PDCD1LG2: variants seen among roughly 807,000 people sequenced by gnomAD.
The protein encoded by PDCD1LG2 is programmed cell death 1 ligand 2.
In PDCD1LG2, 32 loss-of-function variants were observed where a neutral mutation model predicts 28.2. That is an observed-to-expected ratio of 1.13 (90% CI 0.86 to 1.52). The LOEUF (loss-of-function observed/expected upper bound fraction) is 1.52. Among genes scored for constraint, PDCD1LG2 ranks in the 40% most tolerant of loss-of-function variants. The probability of loss-of-function intolerance (pLI) is 0.00; values close to 1 mark genes in which losing one functional copy is unlikely to be tolerated. For synonymous variants in PDCD1LG2, 116 were observed against 120.2 expected (o/e 0.97, Z 0.23); for missense variants, 385 against 323.8 (o/e 1.19, Z -1.45).
At chr9:5,528,966 T>C (rs542894081) in intron 2 of PDCD1LG2, among the ~76,000 whole-genome samples, 6 of 152,140 alleles carry the variant, frequency 3.9e-5, no homozygotes, top group Non-Finnish European at 7.4e-5. Context: ...TGACCTCAAG[T>C]GGCCCACCCA....
rs1229598079 is a variant in PDCD1LG2, at chr9:5,559,027, C to T, written c.766+1275C>T. Among the ~76,000 whole-genome samples the T allele has an allele frequency of 2.0e-5, 3 of 152,328 alleles. No individual in the cohort carries two copies. The East Asian group carries it at 5.8e-4, about 29-fold the overall frequency. On this transcript the variant is annotated intron_variant, in intron 5 of 6. Coordinates refer to ENST00000397747, the MANE Select transcript of PDCD1LG2 (RefSeq NM_025239.4). ...TCTTCTTTTACCTCTCACACCCATA[C>T]CTCAGGGTTCAAGGCCTGGGGCCTG...
intron 2 of PDCD1LG2, among the ~76,000 whole-genome samples, chr9:5,524,202 A>T (rs1820328839): frequency 6.6e-6 from 1 of 152,228 alleles, no homozygotes; most frequent in African/African-American, 2.4e-5. Flanking sequence ...AAGATTACAT[A>T]GTTATTAGGT....
chr9:5,516,842 G>A (rs1820175246), intron 1 of PDCD1LG2, among the ~76,000 whole-genome samples: 1 of 152,198 alleles, frequency 6.6e-6, no homozygotes, highest in Non-Finnish European at 1.5e-5. Flanking sequence ...CAGGGAGTGG[G>A]AGCAGGCACT....
intron 3 of PDCD1LG2, among the ~76,000 whole-genome samples, chr9:5,543,994 T>C (rs1246142982): frequency 6.6e-6 from 1 of 152,208 alleles, no homozygotes; most frequent in Non-Finnish European, 1.5e-5. Context: ...GAAACTTGCA[T>C]AGATCCTCTA....
At chr9:5,535,987 T>C (rs1278267907) in intron 3 of PDCD1LG2, among the ~76,000 whole-genome samples, 34 of 152,230 alleles carry the variant, frequency 2.2e-4, no homozygotes, top group Admixed American at 2.2e-3. Context: ...AATATTTCTC[T>C]GGCCTCTTCC....
intron 3 of PDCD1LG2, among the ~76,000 whole-genome samples, chr9:5,544,721 C>A (rs1820758444): frequency 7.0e-6 from 1 of 143,806 alleles, no homozygotes; most frequent in African/African-American, 2.7e-5. Context: ...GAGTCAGGGA[C>A]AACGAAGGCT....
At chr9:5,541,052 G>T (rs1820678122) in intron 3 of PDCD1LG2, among the ~76,000 whole-genome samples, 1 of 152,122 alleles carries the variant, frequency 6.6e-6, no homozygotes, top group Admixed American at 6.5e-5. Context: ...TGCAGGGATG[G>T]TTTAACATCC....
At chr9:5,532,012 C>T (rs1271191208) in intron 2 of PDCD1LG2, among the ~76,000 whole-genome samples, 2 of 152,154 alleles carry the variant, frequency 1.3e-5, no homozygotes, top group Non-Finnish European at 2.9e-5. Flanking sequence ...TATTTAAGGA[C>T]GGCTTCCATC....
chr9:5,536,260 T>C (rs981254101), intron 3 of PDCD1LG2, among the ~76,000 whole-genome samples: 11 of 152,166 alleles, frequency 7.2e-5, no homozygotes, highest in African/African-American at 2.7e-4. Flanking sequence ...AGGATTGTTG[T>C]CAACATTGAG....
chr9:5,523,179 G>C (rs183513726), intron 2 of PDCD1LG2, among the ~76,000 whole-genome samples: 1 of 152,324 alleles, frequency 6.6e-6, no homozygotes, highest in East Asian at 1.9e-4. Flanking sequence ...TTGAAGAAAG[G>C]ACTTCTATTG....
At chr9:5,566,717 C>A (rs1816673774) in intron 6 of PDCD1LG2, among the ~76,000 whole-genome samples, 1 of 152,064 alleles carries the variant, frequency 6.6e-6, no homozygotes, top group African/African-American at 2.4e-5. Context: ...ACCTAGTTTA[C>A]TCTAATACAA....
chr9:5,535,094 A>G, intron 3 of PDCD1LG2, 44 bp downstream of exon 3: 1 of 1,502,908 alleles, frequency 6.7e-7, no homozygotes, highest in Non-Finnish European at 8.9e-7. Flanking sequence ...CATCTCTCCA[A>G]CAGAGGATCT....
chr9:5,516,048 T>G (rs1015608078), intron 1 of PDCD1LG2, among the ~76,000 whole-genome samples: 1 of 147,620 alleles, frequency 6.8e-6, no homozygotes, highest in African/African-American at 2.5e-5. Flanking sequence ...CAGGGTTTTG[T>G]GTTTGTTTGT....
In PDCD1LG2 at chr9:5,530,556, C is replaced by T. The variant is rs540632677; in HGVS notation, c.56-4189C>T. ...GTCATAACTGCAGTCATTGGTAGCA[C>T]AGAAATAAATGTGCATTGAAGACAC... On this transcript the variant is annotated intron_variant, in intron 2 of 6. Coordinates refer to ENST00000397747, the MANE Select transcript of PDCD1LG2 (RefSeq NM_025239.4). Among the ~76,000 whole-genome samples the T allele has an allele frequency of 1.3e-3, 191 of 151,578 alleles. No individual in the cohort carries two copies. The Middle Eastern group carries it at 0.024, about 19-fold the overall frequency.
intron 3 of PDCD1LG2, among the ~76,000 whole-genome samples, chr9:5,540,035 T>C (rs932462286): frequency 6.6e-6 from 1 of 152,118 alleles, no homozygotes; most frequent in African/African-American, 2.4e-5. Flanking sequence ...CAAAATTATA[T>C]CAAGTACTCT....
At chr9:5,552,945 A>C (rs919486058) in intron 4 of PDCD1LG2, among the ~76,000 whole-genome samples, 1 of 152,178 alleles carries the variant, frequency 6.6e-6, no homozygotes, top group Non-Finnish European at 1.5e-5. Flanking sequence ...TCTTAACTGA[A>C]ATCAAAACAT....
intron 3 of PDCD1LG2, among the ~76,000 whole-genome samples, chr9:5,545,040 C>T (rs1031928146): frequency 7.9e-5 from 12 of 152,146 alleles, no homozygotes; most frequent in South Asian, 2.1e-4. Context: ...GCATGTTTTA[C>T]TTAGGGTTGA....
chr9:5,535,602 G>T (rs1586803643), intron 3 of PDCD1LG2, among the ~76,000 whole-genome samples: 1 of 151,754 alleles, frequency 6.6e-6, no homozygotes, highest in African/African-American at 2.4e-5. Flanking sequence ...TGAGGGACGT[G>T]TGTGTGTGTG....
chr9:5,523,344 A>G (rs1820313040), intron 2 of PDCD1LG2, among the ~76,000 whole-genome samples: 1 of 152,226 alleles, frequency 6.6e-6, no homozygotes, highest in Non-Finnish European at 1.5e-5. Flanking sequence ...GTGTGGACAG[A>G]GGATTAAGTC....
Sources: allele counts gnomAD v4.1 joint callset (sites outside exome capture counted in the v4.1 genomes callset), GRCh38; gene constraint gnomAD v4.1.1; transcripts MANE v1.5; gene names NCBI Gene and HGNC (gene_info 2026-07-23, HGNC 2026-07-21).